Variants in CCDC126 observed in about 807,000 individuals in gnomAD.
CCDC126 encodes the protein coiled-coil domain-containing protein 126.
A neutral mutation model predicts 11.7 loss-of-function variants in CCDC126; 5 were observed. The observed-to-expected ratio is 0.43, with a 90% confidence interval of 0.22 to 0.90. The LOEUF (loss-of-function observed/expected upper bound fraction) is 0.90, where lower values mean the gene tolerates loss of function less well. CCDC126 is among the 40% of genes least tolerant of loss of function. The probability of loss-of-function intolerance (pLI) is 0.27; values close to 1 mark genes in which losing one functional copy is unlikely to be tolerated. For missense variants in CCDC126, 150 were observed against 163.1 expected (o/e 0.92, Z 0.44); for synonymous variants, 60 against 61.9 (o/e 0.97, Z 0.14).
At position 23,639,903 on chromosome 7, in the gene CCDC126, C is replaced by T. The variant is rs945283585; in HGVS notation, c.239-3028C>T. On this transcript the variant is annotated intron_variant, in intron 3 of 3. Coordinates refer to ENST00000307471, the MANE Select transcript of CCDC126 (RefSeq NM_138771.4). ...TTAAAATAATTTTTAAGGCTGGCTG[C>T]GGTGGCTCACGCCTGTAATCCCAGC... 3.3e-5 allele frequency among the ~76,000 whole-genome samples: 5 copies of T among 152,236 alleles called. No individual in the cohort carries two copies. In the East Asian group the frequency reaches 5.8e-4, roughly 18 times the overall value.
chr7:23,641,740 A>G (rs768300677), intron 3 of CCDC126, among the ~76,000 whole-genome samples: 5 of 152,214 alleles, frequency 3.3e-5, no homozygotes, highest in Non-Finnish European at 7.3e-5. Context: ...CTAAGGCAGA[A>G]AAGCCTCATA....
intron 3 of CCDC126, among the ~76,000 whole-genome samples, chr7:23,623,723 A>G (rs1782966415): frequency 6.6e-6 from 1 of 152,198 alleles, no homozygotes; most frequent in African/African-American, 2.4e-5. Context: ...GGTATTATAC[A>G]TTTCAAAATT....
At chr7:23,617,916 G>C (rs1782822169) in intron 3 of CCDC126, among the ~76,000 whole-genome samples, 1 of 152,140 alleles carries the variant, frequency 6.6e-6, no homozygotes, top group Non-Finnish European at 1.5e-5. Flanking sequence ...GAAAATCCAT[G>C]GATTTTGGTA....
At chr7:23,597,891 G>T (rs995644701) in intron 1 of CCDC126, 76 bp from the exon 2 acceptor site, 3 of 152,288 alleles carry the variant, frequency 2.0e-5, no homozygotes, top group African/African-American at 4.8e-5. Flanking sequence ...GAGTCGAGCG[G>T]GGCGGGCTTG....
intron 3 of CCDC126, among the ~76,000 whole-genome samples, chr7:23,632,357 A>G (rs983865975): frequency 2.6e-5 from 4 of 152,200 alleles, no homozygotes; most frequent in Non-Finnish European, 5.9e-5. Context: ...TGGCCTTCCA[A>G]AGTGCTGGGA....
chr7:23,608,343 C>CTT (rs750962633), intron 2 of CCDC126, among the ~76,000 whole-genome samples: 32 of 152,184 alleles, frequency 2.1e-4, no homozygotes, highest in Admixed American at 5.2e-4. Context: ...GTGGTGGAGT[C>CTT]TTTTGAAAGG....
At chr7:23,631,316 C>G (rs756747793) in intron 3 of CCDC126, among the ~76,000 whole-genome samples, 1 of 152,012 alleles carries the variant, frequency 6.6e-6, no homozygotes, top group African/African-American at 2.4e-5. Context: ...AAATGAATAT[C>G]AGGGCAGACC....
chr7:23,613,327 G>A (rs999032063), intron 3 of CCDC126, among the ~76,000 whole-genome samples: 3 of 151,852 alleles, frequency 2.0e-5, no homozygotes, highest in African/African-American at 7.3e-5. Context: ...AAAAAAAGTG[G>A]TACATGCATG....
intron 3 of CCDC126, among the ~76,000 whole-genome samples, chr7:23,626,390 CA>C (rs1783016170): frequency 6.6e-6 from 1 of 152,088 alleles, no homozygotes; most frequent in South Asian, 2.1e-4. Flanking sequence ...CATTACTATA[CA>C]AATAAGCTAG....
At chr7:23,610,054 G>T (rs1288951964) in intron 2 of CCDC126, among the ~76,000 whole-genome samples, 1 of 151,898 alleles carries the variant, frequency 6.6e-6, no homozygotes, top group African/African-American at 2.4e-5. Flanking sequence ...TACTCTCCTG[G>T]TTTTTCTAGA....
At chr7:23,612,448 T>C in intron 3 of CCDC126, among the ~76,000 whole-genome samples, 2 of 127,638 alleles carry the variant, frequency 1.6e-5, no homozygotes, top group South Asian at 2.5e-4. Context: ...GAATTCTAGC[T>C]TGGGTGACAG....
intron 2 of CCDC126, among the ~76,000 whole-genome samples, chr7:23,603,219 A>G (rs1316210464): frequency 1.3e-5 from 2 of 152,322 alleles, no homozygotes; most frequent in East Asian, 1.9e-4. Flanking sequence ...TTTTGCCTGT[A>G]TAAAAACTAA....
At chr7:23,621,108 C>T (rs1782887717) in intron 3 of CCDC126, among the ~76,000 whole-genome samples, 1 of 152,194 alleles carries the variant, frequency 6.6e-6, no homozygotes, top group African/African-American at 2.4e-5. Flanking sequence ...TTTTCCAATT[C>T]TGTGAAGAAA....
chr7:23,607,380 C>T (rs1782640180), intron 2 of CCDC126, among the ~76,000 whole-genome samples: 1 of 152,124 alleles, frequency 6.6e-6, no homozygotes, highest in South Asian at 2.1e-4. Context: ...GTACTTGAAA[C>T]ATAAAGAAAA....
intron 2 of CCDC126, among the ~76,000 whole-genome samples, chr7:23,602,938 T>A (rs966889973): frequency 6.6e-6 from 1 of 152,218 alleles, no homozygotes; most frequent in Non-Finnish European, 1.5e-5. Context: ...CATCTATGGT[T>A]CCTGGCACAT....
At chr7:23,633,996 A>G (rs1410398260) in intron 3 of CCDC126, among the ~76,000 whole-genome samples, 1 of 152,274 alleles carries the variant, frequency 6.6e-6, no homozygotes, top group Admixed American at 6.5e-5. Flanking sequence ...TGTTCAATGT[A>G]TATGAAACAC....
chr7:23,603,144 G>T (rs1782569550), intron 2 of CCDC126, among the ~76,000 whole-genome samples: 1 of 152,116 alleles, frequency 6.6e-6, no homozygotes, highest in South Asian at 2.1e-4. Flanking sequence ...CATGGTGAAG[G>T]TCTCTACCTT....
Position 23,601,053 on chromosome 7 carries a change from A to AT in CCDC126, c.-146+3004dup, listed in dbSNP as rs767726426. 3.3e-3 allele frequency among the ~76,000 whole-genome samples: 478 copies of AT among 145,022 alleles called. 2 individuals carry two copies. The highest frequency in any genetic ancestry group is 0.013 in the African/African-American group (459 of 35,632). ...AACATAGTTAGATCTCATATCAATA[A>AT]TTAAAAAAAAAAAAAAAGACTCCAT... On this transcript the variant is annotated intron_variant, in intron 2 of 3. Coordinates refer to ENST00000307471, the MANE Select transcript of CCDC126 (RefSeq NM_138771.4).
intron 3 of CCDC126, among the ~76,000 whole-genome samples, chr7:23,642,517 C>CT (rs1432207257): frequency 1.3e-5 from 2 of 152,074 alleles, no homozygotes; most frequent in Non-Finnish European, 2.9e-5. Context: ...AATCCTAGCA[C>CT]TTTGGGAGGC....
Sources: gnomAD v4.1 joint callset for allele counts (sites outside exome capture counted in the v4.1 genomes callset) on GRCh38, gnomAD v4.1.1 for gene constraint, MANE v1.5 for transcripts, NCBI Gene and HGNC (gene_info 2026-07-23, HGNC 2026-07-21) for gene names.